ZNF185: variants seen among roughly 807,000 people sequenced by gnomAD.
ZNF185 encodes zinc finger protein 185 with LIM domain.
A neutral mutation model predicts 58.6 loss-of-function variants in ZNF185; 56 were observed. The observed-to-expected ratio is 0.95, with a 90% CI of 0.77 to 1.19. The LOEUF (loss-of-function observed/expected upper bound fraction) is 1.19. ZNF185 is among the 50% of genes most tolerant of loss of function. The pLI is 0.00. For missense variants in ZNF185, 627 were observed against 573.5 expected (o/e 1.09, Z -0.95); for synonymous variants, 230 against 215.9 (o/e 1.07, Z -0.57).
chrX:152,931,116 A>C (rs62593813), intron 12 of ZNF185, among the ~76,000 whole-genome samples: 17,572 of 111,371 alleles, frequency 0.16, 1,210 homozygotes, highest in South Asian at 0.31. Context: ...ACAGGCTCAA[A>C]TGCTCAATCA....
intron 11 of ZNF185, among the ~76,000 whole-genome samples, chrX:152,927,623 C>T (rs142619571): frequency 0.011 from 1,264 of 112,162 alleles, 11 homozygotes; most frequent in Middle Eastern, 0.018. Context: ...CCTCCTCCCC[C>T]GATCTCCCTT....
chrX:152,920,996 C>T (rs1190174234), intron 9 of ZNF185, among the ~76,000 whole-genome samples: 2 of 112,743 alleles, frequency 1.8e-5, no homozygotes, highest in African/African-American at 6.4e-5. Context: ...GGGCCCCTGA[C>T]CCAACGTGGA....
intron 15 of ZNF185, among the ~76,000 whole-genome samples, chrX:152,945,041 AC>A (rs1298419502): frequency 8.9e-6 from 1 of 112,112 alleles, no homozygotes; most frequent in Non-Finnish European, 1.9e-5. Flanking sequence ...CATCTATTAC[AC>A]ATGGAGGCCT....
At chrX:152,941,360 C>T (rs1265916757) in intron 15 of ZNF185, among the ~76,000 whole-genome samples, 1 of 112,327 alleles carries the variant, frequency 8.9e-6, no homozygotes, top group African/African-American at 3.2e-5. Context: ...GCCCCACATC[C>T]CCCAACACAC....
At chrX:152,920,661 G>A in intron 8 of ZNF185, 46 bp from the exon 10 acceptor site, 1 of 1,209,317 alleles carries the variant, frequency 8.3e-7, no homozygotes, top group Non-Finnish European at 1.1e-6. Context: ...GATGTCACCT[G>A]CCCACGGGCT....
intron 17 of ZNF185, among the ~76,000 whole-genome samples, chrX:152,960,315 A>G (rs1556909232): frequency 8.9e-6 from 1 of 112,664 alleles, no homozygotes; most frequent in African/African-American, 3.2e-5. Context: ...CACTGCCATC[A>G]GCACTGGGAT....
chrX:152,931,532 A>T, intron 12 of ZNF185, 140 bp from the exon 14 acceptor site: 1 of 462,541 alleles, frequency 2.2e-6, no homozygotes, highest in Non-Finnish European at 3.6e-6. Flanking sequence ...ATGCTGGGTT[A>T]TAGGCGTGAG....
the ZNF185 span, among the ~76,000 whole-genome samples, chrX:152,906,192 G>T: frequency 8.9e-6 from 1 of 112,620 alleles, no homozygotes; most frequent in Admixed American, 9.3e-5. Context: ...GCCCCAGCAG[G>T]TATCTAAGCT....
At chrX:152,936,877 AGAAGATTCCCAGGGGCAG>A (rs2046355082) in intron 14 of ZNF185, among the ~76,000 whole-genome samples, 2 of 110,230 alleles carry the variant, frequency 1.8e-5, no homozygotes, top group Non-Finnish European at 3.8e-5. Flanking sequence ...GGAGTCAGGG[AGAAGATTCCCAGGGGCAG>A]CCAGCATTAG....
intron 21 of ZNF185, 122 bp from the exon 24 acceptor site, chrX:152,970,321 C>G: frequency 1.9e-6 from 1 of 540,296 alleles, no homozygotes; most frequent in Non-Finnish European, 3.2e-6. Context: ...GTCCTGAGGT[C>G]CAGGATGTGC....
chrX:152,917,229 C>T lies in ZNF185; in HGVS notation c.264-56C>T, dbSNP rs1244197440. On this transcript the variant is annotated intron_variant, in intron 4 of 22. Transcript: ENST00000449285. ...GCCCACTCACGCCAAGCCCTGACTT[C>T]TTACCCCTCCAGTCCCTCCAGGGAG... The T allele has an allele frequency of 2.6e-5, 31 of 1,209,420 alleles. No individual in the cohort carries two copies. In the South Asian group the frequency reaches 4.8e-4, roughly 19 times the overall value.
intron 9 of ZNF185, 117 bp downstream of exon 10, chrX:152,920,865 T>TCC: frequency 1.1e-6 from 1 of 898,397 alleles, no homozygotes; most frequent in Non-Finnish European, 1.6e-6. Context: ...GGGACTACTG[T>TCC]CCCTGAGCAG....
In ZNF185 at chrX:152,915,204, G is replaced by A; in HGVS notation, c.224+1G>A. On this transcript the variant is annotated splice_donor_variant, in intron 3 of 22. Coordinates refer to ENST00000449285, the Ensembl canonical transcript of ZNF185. LOFTEE classifies it high-confidence loss of function. ...CAGCTGGGGAGGTTCCGAAGCCTAGGTAAGAGGTGGTGCTCAGGTGGCTGG... is the reference window on the plus strand; with the variant it reads ...CAGCTGGGGAGGTTCCGAAGCCTAGATAAGAGGTGGTGCTCAGGTGGCTGG... 3.3e-6 allele frequency: 4 copies of A among 1,208,992 alleles called. No homozygotes were observed. The highest frequency in any genetic ancestry group is 4.5e-6 in the Non-Finnish European group (4 of 894,519).
intron 18 of ZNF185, 81 bp downstream of exon 20, chrX:152,964,030 A>T (rs1204478786): frequency 1.5e-5 from 15 of 969,624 alleles, no homozygotes; most frequent in Non-Finnish European, 1.9e-5. Flanking sequence ...CTTTTGTTCC[A>T]TGTTGCTTCC....
chrX:152,904,841 C>T, the ZNF185 span, among the ~76,000 whole-genome samples: 3 of 111,958 alleles, frequency 2.7e-5, no homozygotes, highest in East Asian at 5.6e-4. Context: ...TGGTGATGAC[C>T]GGAGGGGCTG....
At chrX:152,959,169 A>G (rs1172298502) in intron 16 of ZNF185, among the ~76,000 whole-genome samples, 1 of 112,073 alleles carries the variant, frequency 8.9e-6, no homozygotes, top group African/African-American at 3.2e-5. Flanking sequence ...TGGGGTCAAC[A>G]GCGGATTTGG....
upstream of ZNF185, among the ~76,000 whole-genome samples, chrX:152,912,932 G>C (rs1937584403): frequency 8.9e-6 from 1 of 112,940 alleles, no homozygotes. Context: ...TGCAGGGCTG[G>C]GCACGCGGGG....
rs111961915 is a variant in ZNF185, at chrX:152,945,598, G to T, written c.1409+134G>T. 3 of 740,946 alleles carry T rather than the reference G, an allele frequency of 4.0e-6. No homozygotes were observed. In the Admixed American group the frequency reaches 1.2e-4, roughly 29 times the overall value. The allele number at this position is 740,946 out of a possible 1,213,427, so 61.1% of individuals were successfully genotyped here. On this transcript the variant is annotated intron_variant, in intron 16 of 22. Coordinates refer to ENST00000449285, the Ensembl canonical transcript of ZNF185. The stretch of plus-strand genomic sequence containing the variant: ...TTGCACACCCAGGCTCCTGTTCTGT[G>T]AGTGGGTCATGGTGATTCCCTGGTC...
At chrX:152,967,300 G>A in intron 20 of ZNF185, 62 bp downstream of exon 22, 1 of 1,086,076 alleles carries the variant, frequency 9.2e-7, no homozygotes, top group Non-Finnish European at 1.3e-6. Flanking sequence ...GGAAGGGAGA[G>A]TTCCTGCTGA....
Sources: gnomAD v4.1 joint callset for allele counts (sites outside exome capture counted in the v4.1 genomes callset) on GRCh38, gnomAD v4.1.1 for gene constraint, MANE v1.5 for transcripts, NCBI Gene and HGNC (gene_info 2026-07-23, HGNC 2026-07-21) for gene names.